Variants in ENTREP2 observed in about 807,000 individuals in gnomAD.
ENTREP2 encodes endosomal transmembrane epsin interactor 2, also known as protein ENTREP2.
chr15:29,573,675 TTCTC>T, the ENTREP2 span, among the ~76,000 whole-genome samples: 1 of 150,446 alleles, frequency 6.6e-6, no homozygotes, highest in Non-Finnish European at 1.5e-5. Flanking sequence ...CTCTCTCTCT[TTCTC>T]TCTGTGTCTG....
chr15:29,377,591 A>G, the ENTREP2 span, among the ~76,000 whole-genome samples: 1 of 152,044 alleles, frequency 6.6e-6, no homozygotes, highest in Non-Finnish European at 1.5e-5. Flanking sequence ...TGGGAGGCCA[A>G]GGTGGGCGGA....
At chr15:29,252,316 A>AT in the ENTREP2 span, 1 of 1,155,906 alleles carries the variant, frequency 8.7e-7, no homozygotes, top group Middle Eastern at 1.9e-4. Context: ...TTGCTCTTGT[A>AT]CAAAATCAAA....
At chr15:29,145,139 C>A in the ENTREP2 span, among the ~76,000 whole-genome samples, 2 of 152,110 alleles carry the variant, frequency 1.3e-5, no homozygotes, top group Admixed American at 6.5e-5. Context: ...CCAAACTCTT[C>A]TATTAATATG....
chr15:29,608,809 C>T, the ENTREP2 span, among the ~76,000 whole-genome samples: 11 of 151,882 alleles, frequency 7.2e-5, no homozygotes, highest in East Asian at 1.2e-3. Flanking sequence ...CCTCGTGATG[C>T]GCCCGCCTCG....
At chr15:29,633,489 A>G in the ENTREP2 span, among the ~76,000 whole-genome samples, 1 of 151,840 alleles carries the variant, frequency 6.6e-6, no homozygotes, top group Non-Finnish European at 1.5e-5. Flanking sequence ...TGTATTTGGT[A>G]TGACATGGAG....
the ENTREP2 span, chr15:29,374,781 G>A: frequency 7.2e-5 from 11 of 151,782 alleles, no homozygotes; most frequent in East Asian, 2.1e-3. Flanking sequence ...TTTTTTCTCT[G>A]TGTTCTTCAT....
the ENTREP2 span, among the ~76,000 whole-genome samples, chr15:29,300,543 T>G: frequency 1.3e-5 from 2 of 152,244 alleles, no homozygotes; most frequent in Non-Finnish European, 2.9e-5. Context: ...AAACTCTATG[T>G]GTTGTTATGA....
At chr15:29,154,519 G>A in the ENTREP2 span, among the ~76,000 whole-genome samples, 1 of 152,052 alleles carries the variant, frequency 6.6e-6, no homozygotes, top group African/African-American at 2.4e-5. Flanking sequence ...ATATACAAGT[G>A]TACAAAATAC....
At chr15:29,229,934 G>A in the ENTREP2 span, among the ~76,000 whole-genome samples, 2,819 of 151,214 alleles carry the variant, frequency 0.019, 92 homozygotes, top group African/African-American at 0.064. Flanking sequence ...TCTCCATGTG[G>A]ATATCCAAAG....
chr15:29,632,279 C>T, the ENTREP2 span, among the ~76,000 whole-genome samples: 1 of 152,268 alleles, frequency 6.6e-6, no homozygotes, highest in East Asian at 1.9e-4. Context: ...TAAATTATTT[C>T]CAGGGTTTTT....
the ENTREP2 span, among the ~76,000 whole-genome samples, chr15:29,287,400 A>AAAAAAAAAAAG: frequency 4.4e-5 from 4 of 91,448 alleles, no homozygotes; most frequent in Non-Finnish European, 7.6e-5. Context: ...AAAAAAAAGA[A>AAAAAAAAAAAG]AAAAAAAAAA....
At chr15:29,277,174 T>C in the ENTREP2 span, among the ~76,000 whole-genome samples, 1 of 151,938 alleles carries the variant, frequency 6.6e-6, no homozygotes, top group Non-Finnish European at 1.5e-5. Flanking sequence ...CGGAACCCCA[T>C]CTCTACTAAA....
chr15:29,616,372 CCGGTCAGGGCTGATGG>C, the ENTREP2 span, among the ~76,000 whole-genome samples: 3 of 152,110 alleles, frequency 2.0e-5, no homozygotes, highest in Non-Finnish European at 1.5e-5. Flanking sequence ...TGAGACAGAC[CCGGTCAGGGCTGATGG>C]CTGTCAGAGG....
the ENTREP2 span, among the ~76,000 whole-genome samples, chr15:29,127,778 A>C: frequency 1.3e-5 from 2 of 152,254 alleles, no homozygotes; most frequent in South Asian, 4.1e-4. Context: ...TGAGATGGGA[A>C]ACAGGAAGGG....
At chr15:29,417,219 A>G in the ENTREP2 span, among the ~76,000 whole-genome samples, 1 of 152,244 alleles carries the variant, frequency 6.6e-6, no homozygotes, top group Non-Finnish European at 1.5e-5. Flanking sequence ...AGCACTATTC[A>G]CAATAGTAAA....
At chr15:29,176,226 A>G in the ENTREP2 span, among the ~76,000 whole-genome samples, 5 of 152,184 alleles carry the variant, frequency 3.3e-5, 1 homozygote, top group South Asian at 1.0e-3. Context: ...CAGGCTTCAT[A>G]GGCTAGACAA....
the ENTREP2 span, among the ~76,000 whole-genome samples, chr15:29,665,359 T>G: frequency 6.6e-6 from 1 of 152,236 alleles, no homozygotes; most frequent in Non-Finnish European, 1.5e-5. Context: ...CAGATCTTGC[T>G]CAACTCTTCT....
At chr15:29,364,420 C>CATCT in the ENTREP2 span, among the ~76,000 whole-genome samples, 1 of 152,174 alleles carries the variant, frequency 6.6e-6, no homozygotes, top group African/African-American at 2.4e-5. Context: ...GTGCAGCAGG[C>CATCT]ATCTATCTGA....
chr15:29,528,830 A>G, the ENTREP2 span, among the ~76,000 whole-genome samples: 2 of 152,194 alleles, frequency 1.3e-5, no homozygotes, highest in Non-Finnish European at 2.9e-5. Context: ...GGAACTGTCT[A>G]AACTCCATCC....
Sources: gnomAD v4.1 joint callset for allele counts (sites outside exome capture counted in the v4.1 genomes callset) on GRCh38, gnomAD v4.1.1 for gene constraint, MANE v1.5 for transcripts, NCBI Gene and HGNC (gene_info 2026-07-23, HGNC 2026-07-21) for gene names.